The following ADGRV1 variants were observed in gnomAD, a reference collection of about 807,000 sequenced individuals.
ADGRV1 encodes G-protein coupled receptor 98.
Under a neutral mutation model 596.2 loss-of-function variants are expected in ADGRV1, and 359 were observed. The ratio of observed to expected loss-of-function variants is 0.60; its 90% confidence interval spans 0.55 to 0.66. The LOEUF (loss-of-function observed/expected upper bound fraction) is 0.66, where lower values mean the gene tolerates loss of function less well. Ranked by LOEUF, ADGRV1 falls within the 30% of genes least tolerant of loss-of-function variation. The probability of loss-of-function intolerance (pLI) is 0.00; values close to 1 mark genes in which losing one functional copy is unlikely to be tolerated. For synonymous variants in ADGRV1, 2,681 were observed against 2,679.2 expected (o/e 1.00, Z -0.02); for missense variants, 7,274 against 7,575.6 (o/e 0.96, Z 1.48).
intron 58 of ADGRV1, chr5:90,762,778 A>G (rs2150012149): frequency 6.6e-6 from 1 of 152,580 alleles, no homozygotes; most frequent in African/African-American, 2.4e-5. Context: ...GTAGTAACAA[A>G]GATCCCGCCA....
chr5:90,940,206 G>A (rs1776054688), intron 83 of ADGRV1, among the ~76,000 whole-genome samples: 1 of 152,160 alleles, frequency 6.6e-6, no homozygotes, highest in Non-Finnish European at 1.5e-5. Flanking sequence ...TTGAGGACTT[G>A]GATATAAATC....
At chr5:90,907,951 A>G (rs1772476320) in intron 83 of ADGRV1, among the ~76,000 whole-genome samples, 2 of 152,204 alleles carry the variant, frequency 1.3e-5, no homozygotes, top group South Asian at 4.2e-4. Context: ...CCCGGGTTCA[A>G]GTAATTATCC....
intron 83 of ADGRV1, chr5:90,899,262 CT>C (rs1487887306): frequency 6.6e-6 from 1 of 152,280 alleles, no homozygotes; most frequent in East Asian, 1.9e-4. Flanking sequence ...AGATAGCAAA[CT>C]TGCTGACAGA....
At chr5:90,585,194 A>G (rs915623129) in intron 1 of ADGRV1, among the ~76,000 whole-genome samples, 2 of 152,252 alleles carry the variant, frequency 1.3e-5, no homozygotes, top group African/African-American at 2.4e-5. Flanking sequence ...AATGAGTTAT[A>G]TAACTTTTGA....
intron 87 of ADGRV1, among the ~76,000 whole-genome samples, chr5:91,143,210 G>A (rs1027563580): frequency 2.6e-5 from 4 of 152,172 alleles, no homozygotes; most frequent in Non-Finnish European, 4.4e-5. Flanking sequence ...CCCAAAGAGG[G>A]TGTCACTGCC....
intron 86 of ADGRV1, among the ~76,000 whole-genome samples, chr5:91,074,037 C>A (rs1286898386): frequency 6.6e-6 from 1 of 152,178 alleles, no homozygotes; most frequent in East Asian, 1.9e-4. Context: ...ATCTTAACTC[C>A]TTTAATAAAA....
intron 82 of ADGRV1, among the ~76,000 whole-genome samples, chr5:90,857,131 C>T (rs1458632717): frequency 6.6e-6 from 1 of 152,028 alleles, no homozygotes; most frequent in African/African-American, 2.4e-5. Context: ...TTCTTAATAT[C>T]TTTCATAAAG....
intron 85 of ADGRV1, among the ~76,000 whole-genome samples, chr5:91,007,908 CT>C (rs987706221): frequency 6.6e-6 from 1 of 151,766 alleles, no homozygotes; most frequent in Non-Finnish European, 1.5e-5. Context: ...TTGCCCTTTG[CT>C]TTTTTTTAGA....
At chr5:90,907,916 T>G (rs983359736) in intron 83 of ADGRV1, among the ~76,000 whole-genome samples, 3 of 152,170 alleles carry the variant, frequency 2.0e-5, no homozygotes, top group African/African-American at 7.2e-5. Context: ...AGTGGTGCAG[T>G]CTCGGCTTAC....
chr5:90,861,457 G>T (rs979350404), intron 82 of ADGRV1, among the ~76,000 whole-genome samples: 3 of 151,806 alleles, frequency 2.0e-5, no homozygotes, highest in Admixed American at 6.6e-5. Context: ...CTACAGGTGC[G>T]TGCCACCATG....
intron 85 of ADGRV1, among the ~76,000 whole-genome samples, chr5:90,998,976 A>G (rs1239406071): frequency 6.6e-6 from 1 of 152,126 alleles, no homozygotes; most frequent in Non-Finnish European, 1.5e-5. Flanking sequence ...GAGTTTGAAT[A>G]TCTTTGCATA....
At chr5:90,990,547 C>T (rs1780877201) in intron 85 of ADGRV1, among the ~76,000 whole-genome samples, 1 of 152,166 alleles carries the variant, frequency 6.6e-6, no homozygotes, top group Non-Finnish European at 1.5e-5. Context: ...AGGAGGCAGA[C>T]CTTAAGCGGT....
intron 88 of ADGRV1, among the ~76,000 whole-genome samples, chr5:91,152,360 A>G (rs1323158847): frequency 6.6e-6 from 1 of 152,224 alleles, no homozygotes; most frequent in Non-Finnish European, 1.5e-5. Context: ...TCAATTTAGT[A>G]TATCCTTATA....
At chr5:90,644,578 A>G (rs1393246925) in intron 14 of ADGRV1, 128 bp from the exon 15 acceptor site, 3 of 700,778 alleles carry the variant, frequency 4.3e-6, no homozygotes, top group Admixed American at 5.7e-5. Flanking sequence ...AACTGTGCTA[A>G]GCAAATAGTT....
intron 1 of ADGRV1, among the ~76,000 whole-genome samples, chr5:90,600,675 T>C (rs975929216): frequency 6.6e-6 from 1 of 152,176 alleles, no homozygotes; most frequent in Non-Finnish European, 1.5e-5. Context: ...TACCCAGTAA[T>C]GGGATGGCTG....
chr5:91,025,604 AG>A (rs1483029347), intron 85 of ADGRV1, among the ~76,000 whole-genome samples: 3 of 152,198 alleles, frequency 2.0e-5, no homozygotes, highest in Admixed American at 6.5e-5. Flanking sequence ...AGACTGCCAC[AG>A]GCAAAAGACA....
At chr5:91,028,946 C>G (rs1784260557) in intron 85 of ADGRV1, among the ~76,000 whole-genome samples, 1 of 151,942 alleles carries the variant, frequency 6.6e-6, no homozygotes, top group Non-Finnish European at 1.5e-5. Context: ...CTATGTTGAC[C>G]AGGCTAGCTT....
chr5:90,683,607 C>A lies in ADGRV1; in HGVS notation c.5686C>A (p.Leu1896Met). 6.2e-7 allele frequency: 1 copy of A among 1,602,090 alleles called. No individual in the cohort carries two copies. The highest frequency in any genetic ancestry group is 8.5e-7 in the Non-Finnish European group (1 of 1,170,354). Residue 1896 changes from leucine (L) to methionine (M), a missense_variant, in exon 28 of 90, where the codon CTG (leucine) becomes ATG (methionine). Coordinates refer to ENST00000405460, the MANE Select transcript of ADGRV1 (RefSeq NM_032119.4). ...TLNVIRHHGT[L>M]SPVTLHWNID... ...GTAGGTTATAAGACATCATGGAACT[C>A]TGTCTCCAGTGACTTTGCATTGGAA...
rs794727346 is a variant in ADGRV1, at chr5:90,657,994, C to A, written c.4468C>A (p.Leu1490Met). 10 of 1,613,812 alleles carry A rather than the reference C, an allele frequency of 6.2e-6. No homozygotes were observed. Among genetic ancestry groups the A allele is most frequent in the African/African-American group, 2.7e-5 (2 of 74,922 alleles). Reference protein sequence around the residue: ...MQDVRSYERKLTLEEIYELHA... With the variant: ...MQDVRSYERKMTLEEIYELHA... ...GGATGTGAGGTCCTATGAGCGGAAA[C>A]TGACGCTTGAAGAAATTTATGAACT... is the stretch of plus-strand genomic sequence containing the variant. Residue 1490 changes from leucine (L) to methionine (M), a missense_variant, in exon 21 of 90, where the codon CTG (leucine) becomes ATG (methionine). Physicochemically the swap from Leu to Met is conservative, Grantham distance 15. Around this residue, in one of 5 missense-constraint regions of ADGRV1, gnomAD observed 3,643 missense variants for 3,809.2 expected, o/e 0.96. Coordinates refer to ENST00000405460, the MANE Select transcript of ADGRV1 (RefSeq NM_032119.4).
Sources: gnomAD v4.1 joint callset for allele counts (sites outside exome capture counted in the v4.1 genomes callset) on GRCh38, gnomAD v4.1.1 for gene constraint, gnomAD v4.1.1 regional missense constraint, MANE v1.5 for transcripts, NCBI Gene and HGNC (gene_info 2026-07-23, HGNC 2026-07-21) for gene names.